PTPRO: variants seen among roughly 807,000 people sequenced by gnomAD.
PTPRO encodes receptor-type tyrosine-protein phosphatase O.
A neutral mutation model predicts 145.2 loss-of-function variants in PTPRO; 62 were observed. The observed-to-expected ratio is 0.43, with a 90% CI of 0.35 to 0.53. The LOEUF (loss-of-function observed/expected upper bound fraction) is 0.53, where lower values mean the gene tolerates loss of function less well. Among genes scored for constraint, PTPRO ranks in the 20% least tolerant of loss-of-function variants. The pLI, the probability that PTPRO is intolerant of heterozygous loss-of-function variation, is 0.01. For synonymous variants in PTPRO, 565 were observed against 514.7 expected (o/e 1.10, Z -1.32); for missense variants, 1,345 against 1,482.7 (o/e 0.91, Z 1.53).
intron 1 of PTPRO, among the ~76,000 whole-genome samples, chr12:15,400,156 A>C (rs1261334659): frequency 6.7e-6 from 1 of 150,222 alleles, no homozygotes; most frequent in Non-Finnish European, 1.5e-5. Flanking sequence ...ACGCCCAGCT[A>C]GTTTTGTATT....
chr12:15,517,040 C>G, intron 9 of PTPRO, 84 bp downstream of exon 9: 2 of 1,279,890 alleles, frequency 1.6e-6, no homozygotes, highest in East Asian at 2.3e-5. Context: ...AAGAAATTAT[C>G]TATAAATTTG....
In PTPRO at chr12:15,499,580, A is replaced by G. The variant is rs1263758384; in HGVS notation, c.647A>G (p.Lys216Arg). ...TACAGTGGTGTCAGTCACGAACCCA[A>G]ACAGCACAGAACTGGTAAGTCTCCT... ...VEYSGVSHEPKQHRTAPYPPQ... is the reference protein window; with the variant it reads ...VEYSGVSHEPRQHRTAPYPPQ... Residue 216 changes from lysine (K) to arginine (R), a missense_variant, in exon 4 of 27, where the codon AAA becomes AGA. Physicochemically the swap from Lys to Arg is conservative, Grantham distance 26. Transcript: ENST00000281171. 8 of 1,613,692 alleles carry G rather than the reference A, an allele frequency of 5.0e-6. No homozygotes were observed. Among genetic ancestry groups the G allele is most frequent in the Non-Finnish European group, 6.8e-6 (8 of 1,179,650 alleles).
Position 15,455,099 on chromosome 12 carries a change from A to G in PTPRO, c.76-28875A>G, listed in dbSNP as rs940872027. ...AATTTTAGAATTATTTTATTTTTCT[A>G]TATCAGCCTACCTTCAGATATCAAC... On this transcript the variant is annotated intron_variant, in intron 1 of 26. Coordinates refer to ENST00000281171, the MANE Select transcript of PTPRO (RefSeq NM_030667.3). 1.4e-4 allele frequency among the ~76,000 whole-genome samples: 21 copies of G among 152,096 alleles called. 1 individual carries two copies. Among genetic ancestry groups the G allele is most frequent in the Non-Finnish European group, 1.5e-5 (1 of 68,012 alleles).
intron 1 of PTPRO, among the ~76,000 whole-genome samples, chr12:15,347,653 G>C (rs184019429): frequency 4.2e-4 from 64 of 152,236 alleles, no homozygotes; most frequent in Non-Finnish European, 2.5e-4. Context: ...GCTTGTATTT[G>C]TATACAAAAG....
At chr12:15,519,177 A>G (rs1942661159) in intron 9 of PTPRO, among the ~76,000 whole-genome samples, 1 of 152,236 alleles carries the variant, frequency 6.6e-6, no homozygotes, top group African/African-American at 2.4e-5. Context: ...GGATGGCACC[A>G]AGCAAGAGAG....
intron 1 of PTPRO, among the ~76,000 whole-genome samples, chr12:15,424,264 C>CTT (rs1940224067): frequency 6.6e-6 from 1 of 151,982 alleles, no homozygotes; most frequent in African/African-American, 2.4e-5. Context: ...TTTGAAGAGG[C>CTT]TTTTCCACTG....
chr12:15,473,199 C>T (rs1298436443), intron 1 of PTPRO, among the ~76,000 whole-genome samples: 3 of 152,144 alleles, frequency 2.0e-5, no homozygotes, highest in East Asian at 1.9e-4. Flanking sequence ...CATTCAAATT[C>T]GATAACTAAT....
intron 24 of PTPRO, among the ~76,000 whole-genome samples, chr12:15,588,627 G>A (rs1944479151): frequency 6.6e-6 from 1 of 152,166 alleles, no homozygotes; most frequent in African/African-American, 2.4e-5. Flanking sequence ...TGGCAGGCAT[G>A]CTGTAAGGCA....
intron 1 of PTPRO, among the ~76,000 whole-genome samples, chr12:15,436,799 C>T (rs779295414): frequency 2.6e-5 from 4 of 152,174 alleles, no homozygotes; most frequent in Non-Finnish European, 4.4e-5. Context: ...GGGGTGGGGG[C>T]CTCCACAGCC....
At chr12:15,487,444 A>C (rs1565658981) in intron 2 of PTPRO, among the ~76,000 whole-genome samples, 2 of 152,202 alleles carry the variant, frequency 1.3e-5, no homozygotes, top group Non-Finnish European at 2.9e-5. Flanking sequence ...AGAACTAGAA[A>C]GGAAAGATTT....
chr12:15,567,040 G>A (rs1024233944), intron 18 of PTPRO, among the ~76,000 whole-genome samples: 4 of 152,122 alleles, frequency 2.6e-5, no homozygotes, highest in Non-Finnish European at 5.9e-5. Flanking sequence ...TGGACGAAAA[G>A]GAGAGACTGT....
intron 20 of PTPRO, 91 bp downstream of exon 20, chr12:15,579,034 T>G: frequency 5.7e-4 from 594 of 1,041,518 alleles, no homozygotes; most frequent in Non-Finnish European, 8.1e-4. Flanking sequence ...TCTCTGGCCA[T>G]ACCCACTTGT....
At chr12:15,452,163 T>C (rs963445267) in intron 1 of PTPRO, among the ~76,000 whole-genome samples, 4 of 152,020 alleles carry the variant, frequency 2.6e-5, no homozygotes, top group African/African-American at 9.7e-5. Flanking sequence ...AAAGGAGATA[T>C]TACAACTGAC....
chr12:15,442,664 T>C (rs570668617), intron 1 of PTPRO, among the ~76,000 whole-genome samples: 42 of 152,110 alleles, frequency 2.8e-4, no homozygotes, highest in Non-Finnish European at 3.2e-4. Flanking sequence ...ACAAAATCAA[T>C]GTACAAAAAT....
intron 1 of PTPRO, among the ~76,000 whole-genome samples, chr12:15,454,130 T>C (rs1941115727): frequency 6.6e-6 from 1 of 152,188 alleles, no homozygotes; most frequent in Non-Finnish European, 1.5e-5. Flanking sequence ...TATTTCTATT[T>C]TTAATTGTGT....
intron 1 of PTPRO, among the ~76,000 whole-genome samples, chr12:15,467,096 GAAATAATGCCT>G (rs1941433565): frequency 6.6e-6 from 1 of 152,132 alleles, no homozygotes; most frequent in African/African-American, 2.4e-5. Flanking sequence ...AGGATTAAGT[GAAATAATGCCT>G]AAAAAGTACT....
chr12:15,496,492 C>T (rs1828691535), intron 2 of PTPRO, among the ~76,000 whole-genome samples: 2 of 151,992 alleles, frequency 1.3e-5, no homozygotes, highest in South Asian at 4.2e-4. Context: ...TTAATAGCTT[C>T]TTTAGAAAGG....
At chr12:15,482,190 TGG>T (rs1186580399) in intron 1 of PTPRO, among the ~76,000 whole-genome samples, 11 of 151,432 alleles carry the variant, frequency 7.3e-5, no homozygotes, top group African/African-American at 2.7e-4. Context: ...TGTGTGTGTG[TGG>T]AATATCATTC....
intron 17 of PTPRO, chr12:15,565,269 A>G (rs991811163): frequency 1.0e-5 from 2 of 199,310 alleles, no homozygotes; most frequent in African/African-American, 4.7e-5. Context: ...CAGGTGGTAG[A>G]TAGATACTTC....
Sources: gnomAD v4.1 joint callset for allele counts (sites outside exome capture counted in the v4.1 genomes callset) on GRCh38, gnomAD v4.1.1 for gene constraint, MANE v1.5 for transcripts, NCBI Gene and HGNC (gene_info 2026-07-23, HGNC 2026-07-21) for gene names.